The following LHFPL3 variants were observed in gnomAD, a reference collection of about 807,000 sequenced individuals.
LHFPL3 encodes LHFPL tetraspan subfamily member 3.
Under a neutral mutation model 19.3 loss-of-function variants are expected in LHFPL3, and 5 were observed. The ratio of observed to expected loss-of-function variants is 0.26; its 90% CI spans 0.14 to 0.54. LHFPL3 has a LOEUF of 0.54. LHFPL3 is among the 20% of genes least tolerant of loss of function. The probability of loss-of-function intolerance (pLI) is 0.94; values close to 1 mark genes in which losing one functional copy is unlikely to be tolerated. For synonymous variants in LHFPL3, 133 were observed against 126.2 expected (o/e 1.05, Z -0.36); for missense variants, 249 against 307.4 (o/e 0.81, Z 1.42).
At position 104,783,535 on chromosome 7, in the gene LHFPL3, C is replaced by T. The variant is rs74403427; in HGVS notation, c.682+46624C>T. Among the ~76,000 whole-genome samples the T allele has an allele frequency of 0.024, 3,615 of 152,258 alleles. 244 individuals are homozygous for T. In the East Asian group the frequency reaches 0.25, roughly 11 times the overall value. ...AGAGGTAGACTGCAAACGCCAAAAACAAGAAATGTAATGCACCGACGATAT... is the reference window on the plus strand; with the variant it reads ...AGAGGTAGACTGCAAACGCCAAAAATAAGAAATGTAATGCACCGACGATAT... On this transcript the variant is annotated intron_variant, in intron 2 of 2. Transcript: ENST00000424859.
At chr7:104,450,330 G>A (rs1338995048) in intron 1 of LHFPL3, among the ~76,000 whole-genome samples, 1 of 152,160 alleles carries the variant, frequency 6.6e-6, no homozygotes, top group East Asian at 1.9e-4. Context: ...ATCCTTCTGG[G>A]TAGAAATGAA....
At position 104,489,839 on chromosome 7, in the gene LHFPL3, G is replaced by C. The variant is rs534943484; in HGVS notation, c.445+160615G>C. Among the ~76,000 whole-genome samples, 102 of 152,248 alleles carry C rather than the reference G, an allele frequency of 6.7e-4. 1 individual carries two copies. The highest frequency in any genetic ancestry group is 6.8e-3 in the Middle Eastern group (2 of 294). ...TTGGAGACAAGGAAGTTTTGTGGAG[G>C]ATCAGTTCAGTTTTATCTGGCGTGT... On this transcript the variant is annotated intron_variant, in intron 1 of 2. Transcript: ENST00000424859.
At chr7:104,696,701 T>C (rs79976415) in intron 1 of LHFPL3, among the ~76,000 whole-genome samples, 4,900 of 152,260 alleles carry the variant, frequency 0.032, 267 homozygotes, top group African/African-American at 0.11. Flanking sequence ...CCAGAAAAGA[T>C]AAAAGAAATT....
At chr7:104,350,861 G>C (rs913460601) in intron 1 of LHFPL3, among the ~76,000 whole-genome samples, 1 of 152,112 alleles carries the variant, frequency 6.6e-6, no homozygotes, top group Non-Finnish European at 1.5e-5. Context: ...CCAACATGGT[G>C]AAACCCCGTC....
intron 1 of LHFPL3, among the ~76,000 whole-genome samples, chr7:104,735,672 G>A (rs1793799464): frequency 6.6e-6 from 1 of 152,242 alleles, no homozygotes; most frequent in Non-Finnish European, 1.5e-5. Context: ...TCCCAGGTGA[G>A]GCAATGCATC....
At chr7:104,607,034 A>C (rs1329723219) in intron 1 of LHFPL3, among the ~76,000 whole-genome samples, 1 of 152,240 alleles carries the variant, frequency 6.6e-6, no homozygotes, top group African/African-American at 2.4e-5. Flanking sequence ...AAACCTTATG[A>C]CCACTGACCA....
chr7:104,562,030 T>C (rs201157997), intron 1 of LHFPL3, among the ~76,000 whole-genome samples: 4 of 152,122 alleles, frequency 2.6e-5, no homozygotes, highest in East Asian at 1.9e-4. Flanking sequence ...TTCTGGCTTG[T>C]AGGGTTTCTG....
intron 1 of LHFPL3, among the ~76,000 whole-genome samples, chr7:104,348,790 A>G (rs1479647636): frequency 6.6e-6 from 1 of 152,258 alleles, no homozygotes; most frequent in African/African-American, 2.4e-5. Flanking sequence ...ACACTGCAGT[A>G]TAATTCAAGG....
intron 1 of LHFPL3, among the ~76,000 whole-genome samples, chr7:104,389,019 A>G (rs1166999705): frequency 2.0e-5 from 3 of 152,178 alleles, no homozygotes; most frequent in Non-Finnish European, 4.4e-5. Context: ...GGTTCTAGCC[A>G]AGGCAATTTT....
chr7:104,587,897 T>C (rs140659420), intron 1 of LHFPL3, among the ~76,000 whole-genome samples: 20,302 of 152,298 alleles, frequency 0.13, 1,547 homozygotes, highest in Non-Finnish European at 0.17. Flanking sequence ...TTCACATGTC[T>C]TTCGGCTGCA....
chr7:104,608,877 G>T (rs1036133340), intron 1 of LHFPL3, among the ~76,000 whole-genome samples: 1 of 152,136 alleles, frequency 6.6e-6, no homozygotes, highest in Non-Finnish European at 1.5e-5. Context: ...GTACAAGGGG[G>T]ATAGGAATGA....
chr7:104,620,664 T>TC (rs3047352), intron 1 of LHFPL3, among the ~76,000 whole-genome samples: 2 of 151,988 alleles, frequency 1.3e-5, no homozygotes, highest in African/African-American at 2.4e-5. Flanking sequence ...GTAGCACTTT[T>TC]CCCCCCAGTG....
intron 1 of LHFPL3, among the ~76,000 whole-genome samples, chr7:104,427,357 C>T (rs1034847934): frequency 2.6e-5 from 4 of 152,178 alleles, no homozygotes; most frequent in African/African-American, 7.2e-5. Context: ...AAACTATCTA[C>T]GCTAGAGTCT....
intron 1 of LHFPL3, among the ~76,000 whole-genome samples, chr7:104,334,636 G>A (rs904493024): frequency 6.6e-6 from 1 of 152,288 alleles, no homozygotes; most frequent in Non-Finnish European, 1.5e-5. Context: ...GGTGTGTGGC[G>A]TCACTAGTAG....
chr7:104,392,579 T>C (rs1791097624), intron 1 of LHFPL3, among the ~76,000 whole-genome samples: 1 of 152,234 alleles, frequency 6.6e-6, no homozygotes, highest in African/African-American at 2.4e-5. Flanking sequence ...GCTGCTGGAT[T>C]TGGTTTGCCA....
intron 1 of LHFPL3, among the ~76,000 whole-genome samples, chr7:104,425,296 A>G (rs571078771): frequency 6.6e-6 from 1 of 152,250 alleles, no homozygotes; most frequent in South Asian, 2.1e-4. Context: ...TATATGTTGC[A>G]TACACACAGA....
intron 1 of LHFPL3, among the ~76,000 whole-genome samples, chr7:104,729,723 A>G (rs1265023397): frequency 6.6e-6 from 1 of 152,076 alleles, no homozygotes; most frequent in African/African-American, 2.4e-5. Flanking sequence ...GGTTGAATAT[A>G]TACTTATATA....
At chr7:104,661,755 T>C (rs76389348) in intron 1 of LHFPL3, among the ~76,000 whole-genome samples, 4,607 of 152,342 alleles carry the variant, frequency 0.03, 229 homozygotes, top group African/African-American at 0.11. Context: ...AGATTCGTTC[T>C]CACTGTAGAT....
intron 2 of LHFPL3, among the ~76,000 whole-genome samples, chr7:104,850,010 T>C (rs1791386126): frequency 6.6e-6 from 1 of 152,190 alleles, no homozygotes; most frequent in South Asian, 2.1e-4. Context: ...AAAGTAATTG[T>C]GGTTTTTTTA....
Sources: gnomAD v4.1 joint callset for allele counts (sites outside exome capture counted in the v4.1 genomes callset) on GRCh38, gnomAD v4.1.1 for gene constraint, MANE v1.5 for transcripts, NCBI Gene and HGNC (gene_info 2026-07-23, HGNC 2026-07-21) for gene names.